SND1: variants seen among roughly 807,000 people sequenced by gnomAD.
SND1 encodes the protein staphylococcal nuclease domain-containing protein 1.
A neutral mutation model predicts 121.7 loss-of-function variants in SND1; 38 were observed. The ratio of observed to expected loss-of-function variants is 0.31; its 90% CI spans 0.24 to 0.41. SND1 has a LOEUF of 0.41. SND1 is among the 10% of genes least tolerant of loss of function. The pLI is 1.00. For missense variants in SND1, 868 were observed against 1,184.6 expected (o/e 0.73, Z 3.92); for synonymous variants, 401 against 447.4 (o/e 0.90, Z 1.31).
chr7:127,909,472 T>A (rs1800410900), intron 14 of SND1, among the ~76,000 whole-genome samples: 1 of 151,264 alleles, frequency 6.6e-6, no homozygotes, highest in Non-Finnish European at 1.5e-5. Context: ...TTTTTAAGGA[T>A]ACGGAGTCTC....
At chr7:128,035,702 A>G (rs1792737774) in intron 16 of SND1, among the ~76,000 whole-genome samples, 1 of 152,218 alleles carries the variant, frequency 6.6e-6, no homozygotes, top group Non-Finnish European at 1.5e-5. Flanking sequence ...CAGTGCAACT[A>G]TACTTTGCTG....
At chr7:128,024,246 T>C (rs1483978904) in intron 16 of SND1, among the ~76,000 whole-genome samples, 1 of 152,046 alleles carries the variant, frequency 6.6e-6, no homozygotes, top group Non-Finnish European at 1.5e-5. Flanking sequence ...ACCAAGAGAG[T>C]TGCTCTGAGC....
At chr7:127,787,032 A>G (rs1254552569) in intron 10 of SND1, among the ~76,000 whole-genome samples, 4 of 152,178 alleles carry the variant, frequency 2.6e-5, no homozygotes, top group Non-Finnish European at 5.9e-5. Context: ...TACATAACCC[A>G]TTTTTTAGTG....
intron 21 of SND1, among the ~76,000 whole-genome samples, chr7:128,088,171 G>A (rs1793715597): frequency 6.6e-6 from 1 of 151,958 alleles, no homozygotes; most frequent in African/African-American, 2.4e-5. Context: ...TGTGGAGTCA[G>A]GTGCAGTGGC....
At chr7:127,743,123 A>G (rs1348325326) in intron 10 of SND1, among the ~76,000 whole-genome samples, 1 of 152,152 alleles carries the variant, frequency 6.6e-6, no homozygotes, top group African/African-American at 2.4e-5. Flanking sequence ...GTAGAAGCCA[A>G]TCTCCTACCC....
chr7:128,037,933 A>G (rs1792782630), intron 16 of SND1, among the ~76,000 whole-genome samples: 1 of 152,236 alleles, frequency 6.6e-6, no homozygotes, highest in Non-Finnish European at 1.5e-5. Flanking sequence ...TAGTAACACC[A>G]AAAGTACCTC....
intron 16 of SND1, among the ~76,000 whole-genome samples, chr7:128,055,375 G>A (rs1317287474): frequency 2.0e-5 from 3 of 152,176 alleles, no homozygotes; most frequent in African/African-American, 7.2e-5. Context: ...CCCTCTCTGG[G>A]TGTCTGCTGT....
At chr7:127,844,478 C>G (rs1309762775) in intron 12 of SND1, 54 bp downstream of exon 12, 2 of 1,376,262 alleles carry the variant, frequency 1.5e-6, no homozygotes, top group Admixed American at 3.6e-5. Context: ...GCTAAGAGTT[C>G]TTTGCTCATT....
intron 10 of SND1, among the ~76,000 whole-genome samples, chr7:127,795,735 T>A (rs576367401): frequency 8.5e-4 from 129 of 152,320 alleles, no homozygotes; most frequent in African/African-American, 3.0e-3. Flanking sequence ...TCTCTAACAT[T>A]AGACGCAGGC....
intron 14 of SND1, among the ~76,000 whole-genome samples, chr7:127,906,700 A>C (rs998694337): frequency 6.6e-6 from 1 of 152,104 alleles, no homozygotes; most frequent in Non-Finnish European, 1.5e-5. Flanking sequence ...TGGCACCAAC[A>C]GTGAGGTGAA....
At position 128,029,356 on chromosome 7, in the gene SND1, C is replaced by G. The variant is rs761641479; in HGVS notation, c.1779+38300C>G. The stretch of plus-strand genomic sequence containing the variant: ...GCCGAGGCGTTGGAGTTGCCTGCAA[C>G]ATTGGTCACCATGCATGTGTACACC... On this transcript the variant is annotated intron_variant, in intron 16 of 23. Coordinates refer to ENST00000354725, the MANE Select transcript of SND1 (RefSeq NM_014390.4). This position sits in a 1 kb window ranked among gnomAD's most constrained non-coding sequence, Gnocchi z 4.2. 1.9e-6 allele frequency: 3 copies of G among 1,614,166 alleles called. No homozygotes were observed. The Admixed American group carries it at 5.0e-5, about 27-fold the overall frequency.
chr7:127,953,151 C>CGTGTGTGT (rs59825900), intron 15 of SND1, among the ~76,000 whole-genome samples: 22 of 92,272 alleles, frequency 2.4e-4, no homozygotes, highest in Non-Finnish European at 2.8e-4. Context: ...GTGACAAGAC[C>CGTGTGTGT]GTGTGTGTGT....
At chr7:127,771,647 C>T (rs532895979) in intron 10 of SND1, among the ~76,000 whole-genome samples, 1 of 152,226 alleles carries the variant, frequency 6.6e-6, no homozygotes, top group East Asian at 1.9e-4. Flanking sequence ...CCCCTATACA[C>T]ATACATACAC....
intron 12 of SND1, among the ~76,000 whole-genome samples, chr7:127,877,819 G>A (rs1799718806): frequency 6.6e-6 from 1 of 152,114 alleles, no homozygotes; most frequent in Non-Finnish European, 1.5e-5. Context: ...TCAGTGAGAT[G>A]TGGCCTCTGA....
intron 10 of SND1, among the ~76,000 whole-genome samples, chr7:127,728,451 C>T (rs1796619201): frequency 1.3e-5 from 2 of 152,208 alleles, no homozygotes; most frequent in South Asian, 4.1e-4. Context: ...CCAGAGTTGT[C>T]AGCACCATCA....
intron 1 of SND1, among the ~76,000 whole-genome samples, chr7:127,679,742 A>G (rs1252279295): frequency 5.3e-5 from 8 of 152,260 alleles, no homozygotes; most frequent in Non-Finnish European, 1.2e-4. Context: ...AGGCTCACCC[A>G]TGTTGTAACA....
chr7:127,748,238 T>G (rs1326216984), intron 10 of SND1, among the ~76,000 whole-genome samples: 1 of 152,216 alleles, frequency 6.6e-6, no homozygotes, highest in Admixed American at 6.5e-5. Flanking sequence ...GACAGCTTGT[T>G]TCCTGCCTTT....
chr7:127,915,524 T>G (rs551501588), intron 14 of SND1, among the ~76,000 whole-genome samples: 1 of 152,340 alleles, frequency 6.6e-6, no homozygotes, highest in African/African-American at 2.4e-5. Context: ...GAATGAATGA[T>G]CAAACAATAA....
intron 15 of SND1, among the ~76,000 whole-genome samples, chr7:127,986,713 A>C (rs1279131547): frequency 6.6e-6 from 1 of 152,220 alleles, no homozygotes; most frequent in Non-Finnish European, 1.5e-5. Context: ...GGACCTGTAG[A>C]GTTTGAAAGA....
Sources: gnomAD v4.1 joint callset for allele counts (sites outside exome capture counted in the v4.1 genomes callset) on GRCh38, gnomAD v4.1.1 for gene constraint, Gnocchi (gnomAD v3.1) non-coding constraint, MANE v1.5 for transcripts, NCBI Gene and HGNC (gene_info 2026-07-23, HGNC 2026-07-21) for gene names.